PATL1: variants seen among roughly 807,000 people sequenced by gnomAD.
PATL1 encodes PAT1 homolog 1, processing body mRNA decay factor.
PATL1 carries 32 observed loss-of-function variants against 100.6 expected under a neutral mutation model. That is an observed-to-expected ratio of 0.32 (90% confidence interval 0.24 to 0.43). The LOEUF is 0.43. Among genes scored for constraint, PATL1 ranks in the 20% least tolerant of loss-of-function variants. The pLI is 1.00. For missense variants in PATL1, 747 were observed against 949.9 expected, an observed-to-expected ratio of 0.79 and a Z score of 2.81; for synonymous variants, 332 against 330.0, an observed-to-expected ratio of 1.01 and a Z score of -0.07.
intron 2 of PATL1, among the ~76,000 whole-genome samples, chr11:59,661,099 ATTTTTT>A (rs1007032868): frequency 3.3e-5 from 5 of 151,822 alleles, no homozygotes; most frequent in African/African-American, 1.2e-4. Context: ...TTTTATTTTT[ATTTTTT>A]GAGACAGGGT....
chr11:59,648,560 CAG>C (rs1433401525), intron 14 of PATL1, among the ~76,000 whole-genome samples: 3 of 151,004 alleles, frequency 2.0e-5, no homozygotes, highest in Non-Finnish European at 4.4e-5. Context: ...TTCGTCAACT[CAG>C]AGTTAATTAG....
At chr11:59,666,769 T>C in intron 2 of PATL1, 84 bp downstream of exon 2, 1 of 1,387,588 alleles carries the variant, frequency 7.2e-7, no homozygotes, top group Non-Finnish European at 9.7e-7. Flanking sequence ...AGGTTACCCC[T>C]AATAAGATAA....
At chr11:59,661,212 A>G (rs1861620446) in intron 2 of PATL1, among the ~76,000 whole-genome samples, 1 of 152,100 alleles carries the variant, frequency 6.6e-6, no homozygotes, top group South Asian at 2.1e-4. Context: ...CAGCCTCCCA[A>G]GTAACTGGAA....
chr11:59,652,794 A>C (rs1490726829), intron 10 of PATL1, 44 bp downstream of exon 10: 2 of 1,590,840 alleles, frequency 1.3e-6, no homozygotes, highest in East Asian at 4.5e-5. Flanking sequence ...TCACCAGTGT[A>C]GGGGACCAAA....
intron 1 of PATL1, 98 bp from the exon 2 acceptor site, chr11:59,667,062 T>C (rs1861700982): frequency 1.4e-6 from 2 of 1,450,996 alleles, no homozygotes; most frequent in East Asian, 5.1e-5. Context: ...ATGAACATAA[T>C]TGCTTCATTA....
chr11:59,659,041 A>G (rs1207344834), intron 3 of PATL1, 95 bp from the exon 4 acceptor site: 47 of 1,190,118 alleles, frequency 3.9e-5, no homozygotes, highest in Non-Finnish European at 5.5e-5. Context: ...AAGAGCCTCA[A>G]GCTGCTTTAG....
At chr11:59,645,254 A>G (rs1590695363) in intron 15 of PATL1, among the ~76,000 whole-genome samples, 1 of 89,978 alleles carries the variant, frequency 1.1e-5, no homozygotes, top group Admixed American at 1.3e-4. Flanking sequence ...ATTCCACAAA[A>G]CCGCCATTGT....
intron 5 of PATL1, 86 bp from the exon 6 acceptor site, chr11:59,656,686 G>T: frequency 8.5e-7 from 1 of 1,170,456 alleles, no homozygotes. Context: ...TACTGGTAGA[G>T]ACACGAACTC....
In PATL1 at chr11:59,656,493, A is replaced by G. The variant is rs748708848; in HGVS notation, c.723+6T>C. On this transcript the variant is annotated splice_donor_region_variant and intron_variant, in intron 6 of 18. Coordinates refer to ENST00000300146, the MANE Select transcript of PATL1 (RefSeq NM_152716.3). ...GCACATTTTTGTTAGGCTTAAAGTG[A>G]CATACCGGGACACTGCAGAGCTGGT... is the stretch of plus-strand genomic sequence containing the variant. The G allele has an allele frequency of 8.7e-6, 14 of 1,608,844 alleles. No homozygotes were observed. Among genetic ancestry groups the G allele is most frequent in the African/African-American group, 1.3e-5 (1 of 74,804 alleles).
intron 15 of PATL1, 126 bp downstream of exon 15, chr11:59,647,628 C>A: frequency 9.9e-7 from 1 of 1,008,270 alleles, no homozygotes; most frequent in Non-Finnish European, 1.5e-6. Flanking sequence ...TTTAAATAAT[C>A]AAATCACACA....
chr11:59,638,387 CT>C lies in PATL1; in HGVS notation c.*2del. The C allele has an allele frequency of 6.2e-7, 1 of 1,612,314 alleles. No homozygotes were observed. Among genetic ancestry groups the C allele is most frequent in the Non-Finnish European group, 8.5e-7 (1 of 1,178,790 alleles). On this transcript the variant is annotated 3_prime_UTR_variant, in exon 19 of 19. Transcript: ENST00000300146. The stretch of plus-strand genomic sequence containing the variant: ...GGAGGTACAGGACACATTTGGAGAT[CT>C]TTTATCGTATCCCCTGAACTAGCCT...
intron 8 of PATL1, 94 bp downstream of exon 8, chr11:59,655,429 T>C (rs1280994179): frequency 8.8e-7 from 1 of 1,137,684 alleles, no homozygotes; most frequent in Admixed American, 3.0e-5. Flanking sequence ...TTAAAATTTA[T>C]AGTTAGCAAA....
At chr11:59,657,795 C>A in intron 4 of PATL1, 71 bp from the exon 5 acceptor site, 3 of 1,149,514 alleles carry the variant, frequency 2.6e-6, no homozygotes, top group South Asian at 2.6e-5. Context: ...TCTACAGATG[C>A]CAAAAATACC....
chr11:59,644,348 G>A (rs184905421), intron 15 of PATL1, among the ~76,000 whole-genome samples: 1 of 145,220 alleles, frequency 6.9e-6, no homozygotes, highest in African/African-American at 2.9e-5. Flanking sequence ...TCTCAGGAAA[G>A]AATTTTAAAA....
chr11:59,654,468 G>C (rs1861494612), intron 8 of PATL1, among the ~76,000 whole-genome samples: 2 of 142,762 alleles, frequency 1.4e-5, no homozygotes, highest in Admixed American at 1.4e-4. Flanking sequence ...GAGACAGAGT[G>C]AGACTCTGTC....
At chr11:59,658,989 C>T (rs1469367216) in intron 3 of PATL1, 43 bp from the exon 4 acceptor site, 1 of 1,484,036 alleles carries the variant, frequency 6.7e-7, no homozygotes, top group East Asian at 2.5e-5. Context: ...ATGTTGTATA[C>T]TCTCTGGGTG....
At chr11:59,668,423 AG>A (rs1303444184) in intron 1 of PATL1, among the ~76,000 whole-genome samples, 1 of 150,630 alleles carries the variant, frequency 6.6e-6, no homozygotes, top group African/African-American at 2.4e-5. Flanking sequence ...CTTCACCTGA[AG>A]GTAGCCTGTG....
At chr11:59,641,988 T>C (rs778953486) in intron 16 of PATL1, among the ~76,000 whole-genome samples, 3 of 152,092 alleles carry the variant, frequency 2.0e-5, no homozygotes, top group Non-Finnish European at 2.9e-5. Flanking sequence ...CTACTGTACA[T>C]AGAATGGCCC....
rs576916884 is a variant in PATL1, at chr11:59,660,288, C to T, written c.128-819G>A. Among the ~76,000 whole-genome samples the T allele has an allele frequency of 1.1e-4, 17 of 152,264 alleles. No individual in the cohort carries two copies. The South Asian group carries it at 3.5e-3, about 32-fold the overall frequency. On this transcript the variant is annotated intron_variant, in intron 2 of 18. Coordinates refer to ENST00000300146, the MANE Select transcript of PATL1 (RefSeq NM_152716.3). Reference sequence around the variant, plus strand: ...AGCCCTGTTTTAGACGCATGGGATACATTGGTGTACAAAAAGACACAGAGA... The same window carrying T: ...AGCCCTGTTTTAGACGCATGGGATATATTGGTGTACAAAAAGACACAGAGA...
Sources: gnomAD v4.1 joint callset for allele counts (sites outside exome capture counted in the v4.1 genomes callset) on GRCh38, gnomAD v4.1.1 for gene constraint, MANE v1.5 for transcripts, NCBI Gene and HGNC (gene_info 2026-07-23, HGNC 2026-07-21) for gene names.